Variants in SCFD2 observed in about 807,000 individuals in gnomAD.
SCFD2 encodes the protein sec1 family domain-containing protein 2.
A neutral mutation model predicts 58.9 loss-of-function variants in SCFD2; 54 were observed. That is an observed-to-expected ratio of 0.92 (90% CI 0.74 to 1.15). SCFD2 has a LOEUF of 1.15. SCFD2 is among the 50% of genes most tolerant of loss of function. SCFD2 has a pLI of 0.00. For synonymous variants in SCFD2, 321 were observed against 335.9 expected (o/e 0.96, Z 0.49); for missense variants, 805 against 836.6 (o/e 0.96, Z 0.47).
At chr4:52,984,103 C>T (rs568100384) in intron 5 of SCFD2, among the ~76,000 whole-genome samples, 1 of 152,316 alleles carries the variant, frequency 6.6e-6, no homozygotes, top group Admixed American at 6.5e-5. Context: ...GTGGATTGTT[C>T]AAAAAGCATC....
intron 5 of SCFD2, among the ~76,000 whole-genome samples, chr4:53,137,027 G>A (rs1308635523): frequency 2.0e-5 from 3 of 152,156 alleles, no homozygotes; most frequent in Admixed American, 2.0e-4. Context: ...TCCTCTGTTA[G>A]AGAAGTCTGT....
intron 4 of SCFD2, among the ~76,000 whole-genome samples, chr4:53,151,691 C>T (rs1726512152): frequency 6.6e-6 from 1 of 152,176 alleles, no homozygotes; most frequent in Non-Finnish European, 1.5e-5. Flanking sequence ...CTGGAGAACC[C>T]ATCTCTGCAA....
intron 5 of SCFD2, chr4:52,951,130 T>C (rs984206815): frequency 2.6e-5 from 4 of 152,218 alleles, no homozygotes; most frequent in Admixed American, 2.6e-4. Context: ...ACTAACATAC[T>C]CTAAGAGGTG....
intron 5 of SCFD2, among the ~76,000 whole-genome samples, chr4:53,134,625 T>C (rs1480877027): frequency 4.6e-5 from 7 of 152,258 alleles, no homozygotes; most frequent in Non-Finnish European, 1.0e-4. Flanking sequence ...CTCTATACCA[T>C]TATTTTATGT....
chr4:52,962,226 T>C (rs1295684782), intron 5 of SCFD2, among the ~76,000 whole-genome samples: 1 of 152,188 alleles, frequency 6.6e-6, no homozygotes, highest in Non-Finnish European at 1.5e-5. Context: ...TTCCAGGAAG[T>C]AGGTCAAGGT....
rs191652368 is a variant in SCFD2 at position 53,353,316 on chromosome 4, G to A, written c.839-550C>T. Reference sequence around the variant, plus strand: ...CTCCCAGTGGGTTCGTGGTCTCACTGGCCTTAGGAGTGAAGCTGCAGACCT... The same window carrying A: ...CTCCCAGTGGGTTCGTGGTCTCACTAGCCTTAGGAGTGAAGCTGCAGACCT... On this transcript the variant is annotated intron_variant, in intron 1 of 8. Coordinates refer to ENST00000401642, the MANE Select transcript of SCFD2 (RefSeq NM_152540.4). Among the ~76,000 whole-genome samples, 3 of 152,238 alleles carry A rather than the reference G, an allele frequency of 2.0e-5. No homozygotes were observed. The East Asian group carries it at 5.8e-4, about 29-fold the overall frequency.
intron 5 of SCFD2, among the ~76,000 whole-genome samples, chr4:53,077,910 G>A (rs763679572): frequency 2.0e-5 from 3 of 152,026 alleles, no homozygotes; most frequent in Admixed American, 1.3e-4. Flanking sequence ...ACTTTTCTTG[G>A]TGATAAACTG....
intron 5 of SCFD2, chr4:52,955,955 T>C (rs555588309): frequency 6.7e-5 from 28 of 420,866 alleles, no homozygotes; most frequent in Non-Finnish European, 1.3e-4. Flanking sequence ...TACATTAACC[T>C]GGTGTCCCAC....
intron 2 of SCFD2, among the ~76,000 whole-genome samples, chr4:53,318,532 C>T (rs1379670558): frequency 6.6e-6 from 1 of 152,012 alleles, no homozygotes; most frequent in Non-Finnish European, 1.5e-5. Flanking sequence ...TTTAAAAGCA[C>T]CTAAAGAAAA....
chr4:53,300,522 C>T (rs1467549517), intron 3 of SCFD2, among the ~76,000 whole-genome samples: 1 of 152,132 alleles, frequency 6.6e-6, no homozygotes, highest in East Asian at 1.9e-4. Context: ...ACCCCACTGT[C>T]CACAGTAGAC....
At chr4:53,024,839 A>T (rs894437398) in intron 5 of SCFD2, among the ~76,000 whole-genome samples, 6 of 151,994 alleles carry the variant, frequency 3.9e-5, no homozygotes, top group African/African-American at 1.4e-4. Flanking sequence ...ATTGGCTCAG[A>T]TTATCGCAGG....
At chr4:53,032,289 G>A (rs1722634412) in intron 5 of SCFD2, among the ~76,000 whole-genome samples, 3 of 152,132 alleles carry the variant, frequency 2.0e-5, no homozygotes. Flanking sequence ...CCTGAAGGAA[G>A]CACTAAACAT....
chr4:53,013,675 C>T (rs971986786), intron 5 of SCFD2, among the ~76,000 whole-genome samples: 2 of 152,154 alleles, frequency 1.3e-5, no homozygotes, highest in African/African-American at 2.4e-5. Context: ...TATTATATGG[C>T]TTCTGAGAAT....
chr4:53,096,898 G>A (rs1384315396), intron 5 of SCFD2, among the ~76,000 whole-genome samples: 4 of 152,136 alleles, frequency 2.6e-5, no homozygotes, highest in African/African-American at 9.7e-5. Context: ...TGTATAAGGT[G>A]TAAGGAAGGG....
intron 5 of SCFD2, among the ~76,000 whole-genome samples, chr4:53,137,732 AATGT>A (rs1725984945): frequency 1.3e-5 from 2 of 152,364 alleles, no homozygotes; most frequent in East Asian, 3.9e-4. Context: ...AATGAGTAAT[AATGT>A]GAGTAAATCA....
chr4:53,321,890 T>C (rs530783599), intron 2 of SCFD2, among the ~76,000 whole-genome samples: 16 of 152,300 alleles, frequency 1.1e-4, no homozygotes, highest in Non-Finnish European at 2.1e-4. Flanking sequence ...AAGCACTTTC[T>C]GTGAGCTGGG....
At chr4:52,962,114 G>A (rs1483777977) in intron 5 of SCFD2, among the ~76,000 whole-genome samples, 1 of 152,224 alleles carries the variant, frequency 6.6e-6, no homozygotes, top group Non-Finnish European at 1.5e-5. Flanking sequence ...TTGAAGGAAT[G>A]TGACTGGAGC....
chr4:52,931,390 CA>C (rs147699764), intron 5 of SCFD2, among the ~76,000 whole-genome samples: 2,095 of 152,266 alleles, frequency 0.014, 46 homozygotes, highest in African/African-American at 0.045. Context: ...ACGTTATTAC[CA>C]ACTGCTTTCG....
intron 4 of SCFD2, among the ~76,000 whole-genome samples, chr4:53,170,246 C>T (rs1433999795): frequency 6.6e-6 from 1 of 152,142 alleles, no homozygotes; most frequent in East Asian, 1.9e-4. Flanking sequence ...CATTCTTTTG[C>T]ATGAGATACA....
Sources: allele counts gnomAD v4.1 joint callset (sites outside exome capture counted in the v4.1 genomes callset), GRCh38; gene constraint gnomAD v4.1.1; transcripts MANE v1.5; gene names NCBI Gene and HGNC (gene_info 2026-07-23, HGNC 2026-07-21).